The following GRM5 variants were observed in gnomAD, a reference collection of about 807,000 sequenced individuals.
The protein encoded by GRM5 is metabotropic glutamate receptor 5.
In GRM5, 19 loss-of-function variants were observed where a neutral mutation model predicts 83.1. The ratio of observed to expected loss-of-function variants is 0.23; its 90% confidence interval spans 0.16 to 0.34. The LOEUF (loss-of-function observed/expected upper bound fraction) is 0.34. Among genes scored for constraint, GRM5 ranks in the 10% least tolerant of loss-of-function variants. GRM5 has a pLI of 1.00. For synonymous variants in GRM5, 675 were observed against 633.6 expected (o/e 1.07, Z -0.98); for missense variants, 1,160 against 1,588.3 (o/e 0.73, Z 4.58).
Position 88,615,203 on chromosome 11 carries a change from G to A in GRM5, c.1148-10239C>T, listed in dbSNP as rs566839196. Among the ~76,000 whole-genome samples the A allele has an allele frequency of 2.0e-5, 3 of 152,138 alleles. No individual in the cohort carries two copies. The East Asian group carries it at 5.8e-4, about 29-fold the overall frequency. On this transcript the variant is annotated intron_variant, in intron 4 of 9. Coordinates refer to ENST00000305447, the MANE Select transcript of GRM5 (RefSeq NM_001143831.3). Reference sequence around the variant, plus strand: ...CATTAGGATCTTGTAGAAGTGCCTGGTGACTATTTTTCCTAATCACCCAGA... The same window carrying A: ...CATTAGGATCTTGTAGAAGTGCCTGATGACTATTTTTCCTAATCACCCAGA...
chr11:88,990,108 C>T (rs867876967), intron 2 of GRM5, among the ~76,000 whole-genome samples: 34 of 147,524 alleles, frequency 2.3e-4, no homozygotes, highest in African/African-American at 7.7e-4. Context: ...AATTGATAGA[C>T]TGCTAGCAAG....
intron 3 of GRM5, among the ~76,000 whole-genome samples, chr11:88,740,769 C>T (rs1942011743): frequency 6.6e-6 from 1 of 152,058 alleles, no homozygotes; most frequent in South Asian, 2.1e-4. Flanking sequence ...GTGCACAAGG[C>T]ATGCTCAGAT....
intron 2 of GRM5, among the ~76,000 whole-genome samples, chr11:88,864,817 C>T (rs1194916231): frequency 6.6e-6 from 1 of 151,912 alleles, no homozygotes; most frequent in Admixed American, 6.6e-5. Context: ...ATAAATAGCT[C>T]TCATTATTTT....
At position 88,597,259 on chromosome 11, in the gene GRM5, A is replaced by G; in HGVS notation, c.1488T>C (p.Asp496=). The G allele has an allele frequency of 6.2e-7, 1 of 1,607,234 alleles. No individual in the cohort carries two copies. The highest frequency in any genetic ancestry group is 2.2e-5 in the East Asian group (1 of 44,790). Reference sequence around the variant, plus strand: ...TGCTTTTCTTGGACCATACTTCATCATCATCCATTTTTAATTCTCCATTGT... The same window carrying G: ...TGCTTTTCTTGGACCATACTTCATCGTCATCCATTTTTAATTCTCCATTGT... ...SWDNGELKMD[D]DEVWSKKSNI... The change falls in exon 6 of 10, where the codon GAT becomes GAC. Residue 496 remains aspartate (D), a synonymous_variant. Coordinates refer to ENST00000305447, the MANE Select transcript of GRM5 (RefSeq NM_001143831.3).
At chr11:88,578,983 A>C (rs1190477571) in intron 7 of GRM5, among the ~76,000 whole-genome samples, 1 of 152,162 alleles carries the variant, frequency 6.6e-6, no homozygotes, top group Non-Finnish European at 1.5e-5. Context: ...CTAGTTTTAC[A>C]GAAAGATGAA....
chr11:89,035,647 G>A (rs527240020), intron 2 of GRM5, among the ~76,000 whole-genome samples: 1 of 151,878 alleles, frequency 6.6e-6, no homozygotes, highest in East Asian at 1.9e-4. Context: ...CTTTCAGGTA[G>A]TATTAATAAT....
intron 3 of GRM5, among the ~76,000 whole-genome samples, chr11:88,683,789 A>G (rs1417882749): frequency 6.6e-6 from 1 of 152,226 alleles, no homozygotes; most frequent in African/African-American, 2.4e-5. Context: ...GGTACTGGCA[A>G]TATATGATAA....
intron 3 of GRM5, among the ~76,000 whole-genome samples, chr11:88,784,290 A>C (rs955362188): frequency 6.6e-6 from 1 of 152,112 alleles, no homozygotes; most frequent in African/African-American, 2.4e-5. Context: ...TCAATATCTT[A>C]GAGTGAAAAT....
At chr11:88,783,999 G>T (rs1384265385) in intron 3 of GRM5, among the ~76,000 whole-genome samples, 1 of 151,884 alleles carries the variant, frequency 6.6e-6, no homozygotes, top group Non-Finnish European at 1.5e-5. Context: ...CCTCATACCA[G>T]CTTATAGGAG....
intron 3 of GRM5, among the ~76,000 whole-genome samples, chr11:88,739,571 G>C (rs954093562): frequency 6.6e-6 from 1 of 152,132 alleles, no homozygotes; most frequent in South Asian, 2.1e-4. Flanking sequence ...TTCCCACGTG[G>C]GGAGGGTGGA....
intron 3 of GRM5, among the ~76,000 whole-genome samples, chr11:88,762,568 T>C (rs866305237): frequency 6.6e-6 from 1 of 152,038 alleles, no homozygotes; most frequent in Non-Finnish European, 1.5e-5. Context: ...GGGAAACTTA[T>C]ACACTGTTGA....
intron 3 of GRM5, among the ~76,000 whole-genome samples, chr11:88,700,489 C>G (rs1247530895): frequency 1.3e-5 from 2 of 152,174 alleles, no homozygotes; most frequent in Non-Finnish European, 1.5e-5. Context: ...TATGGCACAA[C>G]TGCTCAAGGA....
intron 8 of GRM5, among the ~76,000 whole-genome samples, chr11:88,528,416 T>C (rs954869215): frequency 4.6e-5 from 7 of 152,074 alleles, no homozygotes; most frequent in Non-Finnish European, 8.8e-5. Flanking sequence ...CATTATCCCA[T>C]TTACCAGTAA....
chr11:88,569,269 G>A (rs1050702391), intron 7 of GRM5, among the ~76,000 whole-genome samples: 9 of 152,156 alleles, frequency 5.9e-5, no homozygotes, highest in Admixed American at 2.0e-4. Flanking sequence ...CTGTCAGTTA[G>A]ACTTGAAAGA....
intron 3 of GRM5, among the ~76,000 whole-genome samples, chr11:88,765,775 G>T (rs1449050097): frequency 6.6e-6 from 1 of 151,736 alleles, no homozygotes; most frequent in Non-Finnish European, 1.5e-5. Context: ...TCATGGCATT[G>T]TATTTGGGAA....
In GRM5 at chr11:88,669,411, T is replaced by A. The variant is rs1402228938; in HGVS notation, c.912-16008A>T. Among the ~76,000 whole-genome samples the A allele has an allele frequency of 2.0e-5, 3 of 152,222 alleles. No homozygotes were observed. In the East Asian group the frequency reaches 5.8e-4, roughly 29 times the overall value. ...AAATATTTCTTCCTGATATCCAGCA[T>A]AAGTAAAAGATGTCTTCACTCACTA... On this transcript the variant is annotated intron_variant, in intron 3 of 9. Transcript: ENST00000305447.
At chr11:88,749,456 C>G (rs1057064381) in intron 3 of GRM5, among the ~76,000 whole-genome samples, 1 of 152,080 alleles carries the variant, frequency 6.6e-6, no homozygotes, top group Non-Finnish European at 1.5e-5. Context: ...AAAGACTAAA[C>G]TTATGACAGA....
intron 3 of GRM5, among the ~76,000 whole-genome samples, chr11:88,669,514 T>A (rs971420762): frequency 2.0e-5 from 3 of 152,054 alleles, no homozygotes; most frequent in Non-Finnish European, 2.9e-5. Context: ...TAAACTGTCA[T>A]TAGCCAAGAA....
intron 1 of GRM5, among the ~76,000 whole-genome samples, chr11:89,052,216 GT>G (rs1015895452): frequency 2.0e-5 from 3 of 152,160 alleles, no homozygotes; most frequent in African/African-American, 7.2e-5. Context: ...TCAGGGGAGA[GT>G]TTTGGTTTAG....
Sources: gnomAD v4.1 joint callset for allele counts (sites outside exome capture counted in the v4.1 genomes callset) on GRCh38, gnomAD v4.1.1 for gene constraint, MANE v1.5 for transcripts, NCBI Gene and HGNC (gene_info 2026-07-23, HGNC 2026-07-21) for gene names.